Variants in TANGO6 observed in about 807,000 individuals in gnomAD.
TANGO6 encodes transport and golgi organization 6 homolog.
TANGO6 carries 90 observed loss-of-function variants against 114.2 expected under a neutral mutation model. The ratio of observed to expected loss-of-function variants is 0.79; its 90% CI spans 0.66 to 0.94. The LOEUF is 0.94. Among genes scored for constraint, TANGO6 ranks in the 40% least tolerant of loss-of-function variants. TANGO6 has a pLI of 0.00. For missense variants in TANGO6, 1,274 were observed against 1,315.3 expected (o/e 0.97, Z 0.49); for synonymous variants, 477 against 509.8 (o/e 0.94, Z 0.87).
At chr16:69,080,254 A>G (rs551888357) in intron 17 of TANGO6, among the ~76,000 whole-genome samples, 2 of 152,278 alleles carry the variant, frequency 1.3e-5, no homozygotes, top group African/African-American at 4.8e-5. Context: ...GGTACACAAC[A>G]GAGCGTAGAA....
chr16:69,022,088 G>T, intron 15 of TANGO6, among the ~76,000 whole-genome samples: 1 of 151,630 alleles, frequency 6.6e-6, no homozygotes, highest in East Asian at 1.9e-4. Context: ...GGGTTTCACC[G>T]TGTTAGCCAG....
intron 14 of TANGO6, among the ~76,000 whole-genome samples, chr16:68,942,950 AG>A (rs1203474973): frequency 6.6e-6 from 1 of 150,748 alleles, no homozygotes; most frequent in East Asian, 1.9e-4. Flanking sequence ...CCCAGGCTGA[AG>A]TGCAGTGGCA....
At chr16:68,862,467 G>A (rs775727957) in intron 2 of TANGO6, among the ~76,000 whole-genome samples, 4 of 152,182 alleles carry the variant, frequency 2.6e-5, no homozygotes, top group Non-Finnish European at 5.9e-5. Context: ...AAAGTGCTGG[G>A]ATTACAGGCG....
intron 7 of TANGO6, among the ~76,000 whole-genome samples, chr16:68,883,918 CT>C (rs199997229): frequency 6.6e-6 from 1 of 151,010 alleles, no homozygotes; most frequent in African/African-American, 2.4e-5. Flanking sequence ...CACTTTCTTT[CT>C]TTTTTTTTGA....
At chr16:68,993,128 G>A (rs1305447322) in intron 15 of TANGO6, among the ~76,000 whole-genome samples, 1 of 152,036 alleles carries the variant, frequency 6.6e-6, no homozygotes, top group Non-Finnish European at 1.5e-5. Context: ...TCTTTAAATA[G>A]ATTCAAGTGG....
intron 16 of TANGO6, chr16:69,033,530 G>A (rs139791798): frequency 2.0e-5 from 3 of 152,302 alleles, no homozygotes; most frequent in Non-Finnish European, 4.4e-5. Context: ...CTGGGACCCT[G>A]GGTTAACTTG....
Position 69,072,115 on chromosome 16 carries a change from G to A in TANGO6, c.3109-11370G>A, listed in dbSNP as rs1960305934. On this transcript the variant is annotated intron_variant, in intron 17 of 17. Coordinates refer to ENST00000261778, the MANE Select transcript of TANGO6 (RefSeq NM_024562.2). ...GTGTGTGTGTATGTGTGAAGAGAGA[G>A]GGAGACCGTGTGTGTGTGTGTGTGT... Among the ~76,000 whole-genome samples, 3 of 138,158 alleles carry A rather than the reference G, an allele frequency of 2.2e-5. No homozygotes were observed. The South Asian group carries it at 7.0e-4, about 32-fold the overall frequency. 90.6% of individuals were successfully genotyped at this position (138,158 alleles called of 152,430 possible). A position where few individuals can be genotyped will look rare whatever the true frequency, so the allele number is the denominator to read the frequency against.
chr16:68,888,862 G>C (rs1168080241), intron 7 of TANGO6, among the ~76,000 whole-genome samples: 1 of 152,114 alleles, frequency 6.6e-6, no homozygotes. Flanking sequence ...GCCCAGGCTG[G>C]AGTGCAGTGG....
chr16:69,039,661 A>AAAAG (rs1959744493), intron 16 of TANGO6, among the ~76,000 whole-genome samples: 1 of 152,064 alleles, frequency 6.6e-6, no homozygotes, highest in Non-Finnish European at 1.5e-5. Context: ...AAACAGAAAA[A>AAAAG]ATACGTAAAG....
intron 14 of TANGO6, among the ~76,000 whole-genome samples, chr16:68,932,800 A>G (rs1387242497): frequency 6.6e-6 from 1 of 151,222 alleles, no homozygotes; most frequent in African/African-American, 2.4e-5. Flanking sequence ...AGAAAAAAAG[A>G]AAAAAAAAGG....
At chr16:69,002,816 C>T (rs917229231) in intron 15 of TANGO6, among the ~76,000 whole-genome samples, 14 of 151,940 alleles carry the variant, frequency 9.2e-5, no homozygotes, top group Non-Finnish European at 1.3e-4. Flanking sequence ...CTGAGGCGGG[C>T]AGATCACCTG....
Position 68,860,267 on chromosome 16 carries a change from T to C in TANGO6, c.478T>C (p.Tyr160His). Residue 160 changes from tyrosine to histidine, a missense_variant, in exon 2 of 18, where the codon TAT becomes CAT. Around this residue, in one of 5 missense-constraint regions of TANGO6, gnomAD observed 908 missense variants for 910.2 expected, o/e 1.00. Coordinates refer to ENST00000261778, the MANE Select transcript of TANGO6 (RefSeq NM_024562.2). ...TGTAGTTACCTTGGGTATCTGCCCC[T>C]ATCTCATGCCTGGTGTTGGAGTCCC... ...QFVVTLGICP[Y>H]LMPGVGVPLR... 1 of 1,614,030 alleles carries C rather than the reference T, an allele frequency of 6.2e-7. No homozygotes were observed. Among genetic ancestry groups the C allele is most frequent in the Non-Finnish European group, 8.5e-7 (1 of 1,179,890 alleles).
intron 14 of TANGO6, among the ~76,000 whole-genome samples, chr16:68,947,232 C>T (rs913080753): frequency 6.6e-6 from 1 of 152,002 alleles, no homozygotes; most frequent in Non-Finnish European, 1.5e-5. Context: ...CCGAGGCAGG[C>T]GGATCACGAG....
intron 15 of TANGO6, among the ~76,000 whole-genome samples, chr16:68,983,805 G>A (rs1479224628): frequency 7.2e-5 from 11 of 152,004 alleles, no homozygotes; most frequent in South Asian, 2.1e-4. Context: ...AGGCCGAGGC[G>A]GGCGGATCAT....
chr16:68,995,556 G>A (rs1424156605), intron 15 of TANGO6, among the ~76,000 whole-genome samples: 1 of 152,186 alleles, frequency 6.6e-6, no homozygotes, highest in East Asian at 1.9e-4. Context: ...GAAGTGTTCC[G>A]TTCTTTCCAC....
intron 14 of TANGO6, among the ~76,000 whole-genome samples, chr16:68,973,708 G>T (rs972306929): frequency 6.6e-6 from 1 of 152,224 alleles, no homozygotes; most frequent in South Asian, 2.1e-4. Context: ...ATCACTGGCA[G>T]TTCCACAGAG....
rs775391139 is a variant in TANGO6 at position 68,859,853 on chromosome 16, T to C, written c.95-31T>C. 1.0e-5 allele frequency: 16 copies of C among 1,530,782 alleles called. No homozygotes were observed. The East Asian group carries it at 3.6e-4, about 35-fold the overall frequency. 94.8% of individuals were successfully genotyped at this position (1,530,782 alleles called of 1,614,324 possible). A position where few individuals can be genotyped will look rare whatever the true frequency, so the allele number is the denominator to read the frequency against. ...GGAAGTGCAGCTTGTTTTCTATGTG[T>C]ATAAACTCTCCTTTTTTTCTTCTTC... is the stretch of plus-strand genomic sequence containing the variant. On this transcript the variant is annotated intron_variant, in intron 1 of 17. Coordinates refer to ENST00000261778, the MANE Select transcript of TANGO6 (RefSeq NM_024562.2).
At chr16:68,973,216 G>A (rs1263879512) in intron 14 of TANGO6, 10 of 447,918 alleles carry the variant, frequency 2.2e-5, no homozygotes, top group Admixed American at 5.0e-5. Context: ...GGGTGCTTGG[G>A]GTAGAAGTGG....
At chr16:68,910,450 G>A (rs1962907282) in intron 11 of TANGO6, among the ~76,000 whole-genome samples, 1 of 152,146 alleles carries the variant, frequency 6.6e-6, no homozygotes, top group Admixed American at 6.5e-5. Flanking sequence ...CAGGATGCTA[G>A]TTGGAAGGGG....
Sources: gnomAD v4.1 joint callset for allele counts (sites outside exome capture counted in the v4.1 genomes callset) on GRCh38, gnomAD v4.1.1 for gene constraint, gnomAD v4.1.1 regional missense constraint, MANE v1.5 for transcripts, NCBI Gene and HGNC (gene_info 2026-07-23, HGNC 2026-07-21) for gene names.